Variants in PABPC1L observed in about 807,000 individuals in gnomAD.
PABPC1L encodes the protein polyadenylate-binding protein 1-like.
In PABPC1L, 31 loss-of-function variants were observed where a neutral mutation model predicts 66.6. That is an observed-to-expected ratio of 0.47 (90% confidence interval 0.35 to 0.63). The LOEUF is 0.63. Ranked by LOEUF, PABPC1L falls within the 20% of genes least tolerant of loss-of-function variation. The pLI, the probability that PABPC1L is intolerant of heterozygous loss-of-function variation, is 0.00. For synonymous variants in PABPC1L, 348 were observed against 335.1 expected (o/e 1.04, Z -0.42); for missense variants, 722 against 848.8 (o/e 0.85, Z 1.86).
In PABPC1L at chr20:44,936,682, G is replaced by T; in HGVS notation, c.1612G>T (p.Ala538Ser). Residue 538 changes from alanine (A) to serine (S), a missense_variant, in exon 12 of 15, where the codon GCG (alanine) becomes TCG (serine). Around this residue, in one of 3 missense-constraint regions of PABPC1L, gnomAD observed 301 missense variants for 337.2 expected, o/e 0.89. Coordinates refer to ENST00000217073, the MANE Select transcript of PABPC1L (RefSeq NM_001372179.1). ...VHIPGQEPLT[A>S]SMLAAAPLHE... Reference sequence around the variant, plus strand: ...CATCCCAGGACAGGAGCCCCTGACCGCGTCCATGCTGGCTGCGGCGCCCCT... The same window carrying T: ...CATCCCAGGACAGGAGCCCCTGACCTCGTCCATGCTGGCTGCGGCGCCCCT... The T allele has an allele frequency of 6.2e-7, 1 of 1,608,328 alleles. No individual in the cohort carries two copies. The highest frequency in any genetic ancestry group is 8.5e-7 in the Non-Finnish European group (1 of 1,178,140).
intron 2 of PABPC1L, among the ~76,000 whole-genome samples, chr20:44,915,413 T>C (rs1330719535): frequency 1.3e-5 from 2 of 152,156 alleles, no homozygotes; most frequent in African/African-American, 4.8e-5. Flanking sequence ...GGGGGCTATG[T>C]GAACTAGAAG....
At chr20:44,937,621 G>A (rs1466727311) in intron 12 of PABPC1L, among the ~76,000 whole-genome samples, 1 of 152,094 alleles carries the variant, frequency 6.6e-6, no homozygotes, top group Non-Finnish European at 1.5e-5. Flanking sequence ...CACCATGTTG[G>A]CCAGGCTGGT....
At position 44,921,658 on chromosome 20, in the gene PABPC1L, A is replaced by G. The variant is rs200466330; in HGVS notation, c.803A>G (p.Lys268Arg). Residue 268 changes from lysine (K) to arginine (R), a missense_variant, in exon 6 of 15, where the codon AAG becomes AGG. Coordinates refer to ENST00000217073, the MANE Select transcript of PABPC1L (RefSeq NM_001372179.1). ...CTGCTGTACGCGGGCCGGGCCCAAA[A>G]GCGCGTGGAGCGGCAGAATGAACTG... ...GRLLYAGRAQ[K>R]RVERQNELKR... The G allele has an allele frequency of 1.4e-5, 22 of 1,613,926 alleles. No homozygotes were observed. The East Asian group carries it at 3.8e-4, about 28-fold the overall frequency.
At chr20:44,921,838 G>T (rs1052413143) in intron 6 of PABPC1L, 107 bp downstream of exon 6, 2 of 1,523,936 alleles carry the variant, frequency 1.3e-6, no homozygotes, top group Non-Finnish European at 1.8e-6. Flanking sequence ...CTGGGCACTT[G>T]GCTCAAGGCG....
intron 7 of PABPC1L, among the ~76,000 whole-genome samples, chr20:44,928,237 A>T (rs1000083379): frequency 5.3e-5 from 8 of 151,690 alleles, no homozygotes; most frequent in Middle Eastern, 3.4e-3. Context: ...TAACCAGCTA[A>T]TTTTTGTATA....
At chr20:44,927,648 C>T (rs1317561488) in intron 7 of PABPC1L, among the ~76,000 whole-genome samples, 1 of 152,074 alleles carries the variant, frequency 6.6e-6, no homozygotes, top group Admixed American at 6.6e-5. Context: ...TGTGCCCGGC[C>T]CTTTGGCTAT....
In PABPC1L at chr20:44,910,122, C is replaced by T; in HGVS notation, c.-22C>T. The T allele has an allele frequency of 2.6e-6, 4 of 1,537,382 alleles. No individual in the cohort carries two copies. Among genetic ancestry groups the T allele is most frequent in the Non-Finnish European group, 3.5e-6 (4 of 1,139,154 alleles). On this transcript the variant is annotated 5_prime_UTR_variant, in exon 1 of 15. Coordinates refer to ENST00000217073, the MANE Select transcript of PABPC1L (RefSeq NM_001372179.1). Reference sequence around the variant, plus strand: ...GGTGACCCGGCTCCTGCTTGCCCCGCAGCCCCGGCCCCCTGCCCACCATGA... The same window carrying T: ...GGTGACCCGGCTCCTGCTTGCCCCGTAGCCCCGGCCCCCTGCCCACCATGA...
intron 11 of PABPC1L, 152 bp downstream of exon 11, chr20:44,935,649 C>T (rs1434307999): frequency 1.9e-6 from 1 of 540,496 alleles, no homozygotes; most frequent in Non-Finnish European, 3.3e-6. Context: ...ATCACCCTTA[C>T]TGCGAGAAGG....
At chr20:44,912,306 T>C (rs1020901915) in intron 1 of PABPC1L, among the ~76,000 whole-genome samples, 2 of 152,206 alleles carry the variant, frequency 1.3e-5, no homozygotes, top group Non-Finnish European at 2.9e-5. Context: ...CAGTGTACTT[T>C]AGAATCCAGA....
intron 6 of PABPC1L, among the ~76,000 whole-genome samples, chr20:44,922,663 G>A (rs1213592021): frequency 2.0e-5 from 3 of 152,154 alleles, no homozygotes; most frequent in African/African-American, 7.2e-5. Flanking sequence ...GAGCCACCAC[G>A]CCTGGCCCCC....
chr20:44,917,174 C>A (rs1213143783), intron 3 of PABPC1L, among the ~76,000 whole-genome samples: 1 of 152,010 alleles, frequency 6.6e-6, no homozygotes, highest in Non-Finnish European at 1.5e-5. Context: ...TGTTTTCCAG[C>A]CTTCTCAGTA....
intron 12 of PABPC1L, 94 bp from the exon 13 acceptor site, chr20:44,937,966 AC>A: frequency 6.5e-7 from 1 of 1,541,852 alleles, no homozygotes. Context: ...TGGGAGAAGA[AC>A]CCAGATGTCC....
intron 5 of PABPC1L, among the ~76,000 whole-genome samples, chr20:44,920,041 A>G (rs1003196445): frequency 1.3e-5 from 2 of 152,158 alleles, no homozygotes; most frequent in Non-Finnish European, 2.9e-5. Flanking sequence ...AGTGGAAGTT[A>G]TGGAGGTTTT....
At chr20:44,933,032 C>G (rs1046640770) in intron 9 of PABPC1L, 25 bp from the exon 10 acceptor site, 1 of 1,507,384 alleles carries the variant, frequency 6.6e-7, no homozygotes, top group Non-Finnish European at 9.0e-7. Flanking sequence ...CAACTTTTCT[C>G]TCTCTGTGGT....
chr20:44,916,933 C>G, intron 3 of PABPC1L, 62 bp downstream of exon 3: 1 of 1,497,586 alleles, frequency 6.7e-7, no homozygotes, highest in Admixed American at 1.7e-5. Context: ...GCACCACCGA[C>G]TAGGAATCGA....
chr20:44,917,284 G>A (rs1345541827), intron 3 of PABPC1L, among the ~76,000 whole-genome samples: 1 of 152,016 alleles, frequency 6.6e-6, no homozygotes, highest in Admixed American at 6.6e-5. Flanking sequence ...CTTGGCTCAA[G>A]TAATCCTCCT....
intron 14 of PABPC1L, 41 bp from the exon 15 acceptor site, chr20:44,939,084 GC>G: frequency 1.4e-6 from 1 of 717,416 alleles, no homozygotes; most frequent in Non-Finnish European, 2.6e-6. Context: ...CTGGGTGTCT[GC>G]CATACTTTAA....
Position 44,933,182 on chromosome 20 carries a change from G to T in PABPC1L, c.1456G>T (p.Val486Leu). 1.2e-6 allele frequency: 2 copies of T among 1,602,190 alleles called. No homozygotes were observed. Among genetic ancestry groups the T allele is most frequent in the Non-Finnish European group, 1.7e-6 (2 of 1,175,030 alleles). ...ACGCACGGTGCCTCATACCCAGAGA[G>T]TAGGTGAGTGTGGGTAGGGCCAAGG... ...VPRTVPHTQRVANIGTQTTGP... is the reference protein window; with the variant it reads ...VPRTVPHTQRLANIGTQTTGP... Residue 486 changes from valine (V) to leucine (L), a missense_variant, in exon 10 of 15, where the codon GTA (valine) becomes TTA (leucine). This residue lies in a region of PABPC1L where 301 missense variants were observed against 337.2 expected (regional missense o/e 0.89). Transcript: ENST00000217073.
intron 2 of PABPC1L, among the ~76,000 whole-genome samples, chr20:44,916,328 A>C (rs953743205): frequency 2.0e-5 from 3 of 152,176 alleles, no homozygotes; most frequent in African/African-American, 7.2e-5. Context: ...GATGGAGTTC[A>C]GTGGTGCAAT....
Sources: allele counts gnomAD v4.1 joint callset (sites outside exome capture counted in the v4.1 genomes callset), GRCh38; gene constraint gnomAD v4.1.1; regional missense constraint gnomAD v4.1.1; transcripts MANE v1.5; gene names NCBI Gene and HGNC (gene_info 2026-07-23, HGNC 2026-07-21).